Variants in CHMP2B observed in about 807,000 individuals in gnomAD.
CHMP2B encodes the protein charged multivesicular body protein 2B, also known as VPS2 homolog B.
Under a neutral mutation model 29.8 loss-of-function variants are expected in CHMP2B, and 22 were observed. The ratio of observed to expected loss-of-function variants is 0.74; its 90% CI spans 0.53 to 1.05. The LOEUF is 1.05. Ranked by LOEUF, CHMP2B falls within the 50% of genes least tolerant of loss-of-function variation. The pLI is 0.00. For synonymous variants in CHMP2B, 78 were observed against 75.8 expected (o/e 1.03, Z -0.15); for missense variants, 261 against 252.2 (o/e 1.03, Z -0.24).
rs374796686 is a variant in CHMP2B, at chr3:87,253,518, C to T, written c.531+8C>T. On this transcript the variant is annotated splice_region_variant and intron_variant, in intron 5 of 5. Transcript: ENST00000263780. ...ATTGAAATTTCTGGAAAGGTATGAA[C>T]ATCATCTTTTCTTAGTTGGAAATAG... The T allele has an allele frequency of 1.3e-5, 20 of 1,550,340 alleles. No homozygotes were observed. The highest frequency in any genetic ancestry group is 6.8e-5 in the African/African-American group (5 of 73,546).
At chr3:87,234,314 T>G (rs1705960641) in intron 1 of CHMP2B, among the ~76,000 whole-genome samples, 1 of 152,144 alleles carries the variant, frequency 6.6e-6, no homozygotes, top group South Asian at 2.1e-4. Flanking sequence ...ACTTTTTATT[T>G]TTTGTAAGCA....
chr3:87,232,644 C>G (rs1705930045), intron 1 of CHMP2B, among the ~76,000 whole-genome samples: 2 of 152,094 alleles, frequency 1.3e-5, no homozygotes, highest in Non-Finnish European at 2.9e-5. Context: ...TTCTGCATCC[C>G]CAGCATGACA....
Position 87,245,678 on chromosome 3 carries a change from A to G in CHMP2B, c.127-36A>G, listed in dbSNP as rs369639551. 2.9e-4 allele frequency: 456 copies of G among 1,556,050 alleles called. 1 individual carries two copies. The highest frequency in any genetic ancestry group is 1.4e-3 in the Middle Eastern group (8 of 5,678). On this transcript the variant is annotated intron_variant, in intron 2 of 5. Transcript: ENST00000263780. Reference sequence around the variant, plus strand: ...ATAAATTATTGACGACTACCCTTTAATAATTTTATTTTCTTTTGTTTGTTT... The same window carrying G: ...ATAAATTATTGACGACTACCCTTTAGTAATTTTATTTTCTTTTGTTTGTTT...
At chr3:87,245,608 C>T (rs374095325) in intron 2 of CHMP2B, 106 bp from the exon 3 acceptor site, 158 of 904,874 alleles carry the variant, frequency 1.7e-4, no homozygotes, top group Non-Finnish European at 2.5e-4. Context: ...TCTTCATGAT[C>T]GGGGACAAAG....
rs780887155 is a variant in CHMP2B at position 87,253,485 on chromosome 3, A to C, written c.506A>C (p.Glu169Ala). Residue 169 changes from glutamate (E) to alanine (A), a missense_variant, in exon 5 of 6, where the codon GAA becomes GCA. Glu to Ala is a moderately radical substitution (Grantham distance 107). Transcript: ENST00000263780. Reference sequence around the variant, plus strand: ...GATATTGTGAATCAAGTTCTTGATGAAATTGGAATTGAAATTTCTGGAAAG... The same window carrying C: ...GATATTGTGAATCAAGTTCTTGATGCAATTGGAATTGAAATTTCTGGAAAG... The part of the protein sequence containing the change: ...SQDIVNQVLD[E>A]IGIEISGKMA... 5.6e-6 allele frequency: 9 copies of C among 1,610,394 alleles called. No individual in the cohort carries two copies. The East Asian group carries it at 2.0e-4, about 36-fold the overall frequency.
chr3:87,240,635 T>C, intron 1 of CHMP2B, 64 bp from the exon 2 acceptor site: 2 of 1,086,172 alleles, frequency 1.8e-6, no homozygotes, highest in Non-Finnish European at 2.9e-6. Context: ...GTGAATCCAG[T>C]ATTTTAAATG....
Position 87,238,224 on chromosome 3 carries a change from TAAATTC to T in CHMP2B, c.35-2473_35-2468del, listed in dbSNP as rs1706050809. Among the ~76,000 whole-genome samples, 3 of 152,242 alleles carry T rather than the reference TAAATTC, an allele frequency of 2.0e-5. No homozygotes were observed. The South Asian group carries it at 6.2e-4, about 31-fold the overall frequency. On this transcript the variant is annotated intron_variant, in intron 1 of 5. Transcript: ENST00000263780. The stretch of plus-strand genomic sequence containing the variant: ...TTGGCTTTGATGTTTTAATTGAAGT[TAAATTC>T]ATATAACATTAACCATTTTAAAGTG...
At chr3:87,245,090 G>T (rs1706186659) in intron 2 of CHMP2B, among the ~76,000 whole-genome samples, 1 of 151,876 alleles carries the variant, frequency 6.6e-6, no homozygotes, top group African/African-American at 2.4e-5. Context: ...TTTATTTCTG[G>T]TAGTATTCCT....
intron 1 of CHMP2B, among the ~76,000 whole-genome samples, chr3:87,232,576 A>T (rs1312861526): frequency 6.6e-6 from 1 of 152,170 alleles, no homozygotes; most frequent in African/African-American, 2.4e-5. Flanking sequence ...TCTTAGAAAA[A>T]CATTCTCCCT....
chr3:87,240,491 G>A (rs924715762), intron 1 of CHMP2B: 1 of 432,058 alleles, frequency 2.3e-6, no homozygotes, highest in Non-Finnish European at 4.4e-6. Flanking sequence ...TCTATTTTTA[G>A]TAGAGATGGG....
Position 87,254,769 on chromosome 3 carries a change from A to C in CHMP2B, c.*947A>C, listed in dbSNP as rs970463318. ...TTATAATTATATGAATTATAATTTA[A>C]ACTGTTTAATTTTGTTTAATGTGTA... On this transcript the variant is annotated 3_prime_UTR_variant, in exon 6 of 6. Coordinates refer to ENST00000263780, the MANE Select transcript of CHMP2B (RefSeq NM_014043.4). 6.6e-6 allele frequency: 1 copy of C among 151,876 alleles called. No individual in the cohort carries two copies. Among genetic ancestry groups the C allele is most frequent in the African/African-American group, 2.4e-5 (1 of 41,366 alleles). 9.4% of individuals were successfully genotyped at this position (151,876 alleles called of 1,614,324 possible).
Position 87,253,806 on chromosome 3 carries a change from C to A in CHMP2B, c.626C>A (p.Ala209Asp). Residue 209 changes from alanine to aspartate, a missense_variant, in exon 6 of 6, where the codon GCT (alanine) becomes GAT (aspartate). Transcript: ENST00000263780. Reference sequence around the variant, plus strand: ...GAAGAGATTGAACGGCAACTCAAGGCTTTAGGAGTAGATTAGTCAAAAGAA... The same window carrying A: ...GAAGAGATTGAACGGCAACTCAAGGATTTAGGAGTAGATTAGTCAAAAGAA... ...SDEEIERQLK[A>D]LGVD The A allele has an allele frequency of 3.1e-6, 5 of 1,610,940 alleles. No individual in the cohort carries two copies. Among genetic ancestry groups the A allele is most frequent in the Non-Finnish European group, 3.4e-6 (4 of 1,177,804 alleles).
Position 87,253,438 on chromosome 3 carries a change from T to C in CHMP2B, c.459T>C (p.Ser153=). 6.2e-7 allele frequency: 1 copy of C among 1,611,684 alleles called. No homozygotes were observed. The highest frequency in any genetic ancestry group is 8.5e-7 in the Non-Finnish European group (1 of 1,178,042). The part of the protein sequence containing the change: ...NDTLDDIFDG[S]DDEEESQDIV... ...CACTTGATGACATCTTTGACGGTTC[T>C]GATGACGAAGAAGAAAGCCAGGATA... Residue 153 remains serine, a synonymous_variant, in exon 5 of 6, where the codon TCT becomes TCC. Coordinates refer to ENST00000263780, the MANE Select transcript of CHMP2B (RefSeq NM_014043.4).
At chr3:87,241,282 T>TA (rs1192539173) in intron 2 of CHMP2B, among the ~76,000 whole-genome samples, 2 of 152,224 alleles carry the variant, frequency 1.3e-5, no homozygotes, top group Non-Finnish European at 2.9e-5. Flanking sequence ...CTCAAATCTT[T>TA]AAAAAATATC....
At chr3:87,249,853 A>C (rs1575970831) in intron 3 of CHMP2B, 22 bp from the exon 4 acceptor site, 1 of 1,436,262 alleles carries the variant, frequency 7.0e-7, no homozygotes, top group Non-Finnish European at 9.8e-7. Flanking sequence ...AAGTAACATG[A>C]ATCTTGTAAA....
chr3:87,250,175 C>T (rs758921206), intron 4 of CHMP2B, among the ~76,000 whole-genome samples, 198 bp downstream of exon 4: 33 of 151,880 alleles, frequency 2.2e-4, no homozygotes, highest in Admixed American at 3.9e-4. Context: ...TTGGCTTCAG[C>T]AGTTTTACTT....
Position 87,249,670 on chromosome 3 carries a change from G to T in CHMP2B, c.322-205G>T, listed in dbSNP as rs115735854. 3.4e-3 allele frequency among the ~76,000 whole-genome samples: 511 copies of T among 151,928 alleles called. 6 individuals are homozygous for T. Among genetic ancestry groups the T allele is most frequent in the South Asian group, 0.014 (68 of 4,820 alleles). On this transcript the variant is annotated intron_variant, in intron 3 of 5. Transcript: ENST00000263780. ...TGTTCAGATGAGGTTTTTCACACTG[G>T]TCTTTATTATATAGATGTTAAGCAG...
At chr3:87,236,698 C>G (rs1706019709) in intron 1 of CHMP2B, among the ~76,000 whole-genome samples, 1 of 151,716 alleles carries the variant, frequency 6.6e-6, no homozygotes, top group South Asian at 2.1e-4. Flanking sequence ...CTAAAAATAC[C>G]TAAAAATACA....
chr3:87,236,950 T>C (rs1262593432), intron 1 of CHMP2B, among the ~76,000 whole-genome samples: 1 of 152,216 alleles, frequency 6.6e-6, no homozygotes, highest in Non-Finnish European at 1.5e-5. Flanking sequence ...AAAGGGGTTG[T>C]ACTCCAGAAG....
Sources: allele counts gnomAD v4.1 joint callset (sites outside exome capture counted in the v4.1 genomes callset), GRCh38; gene constraint gnomAD v4.1.1; transcripts MANE v1.5; gene names NCBI Gene and HGNC (gene_info 2026-07-23, HGNC 2026-07-21).